The following ADK variants were observed in gnomAD, a reference collection of about 807,000 sequenced individuals.
ADK encodes N6,N6-dimethyladenosine kinase.
ADK carries 24 observed loss-of-function variants against 44.7 expected under a neutral mutation model. That is an observed-to-expected ratio of 0.54 (90% CI 0.39 to 0.76). The LOEUF is 0.76. ADK is among the 30% of genes least tolerant of loss of function. The probability of loss-of-function intolerance (pLI) is 0.00; values close to 1 mark genes in which losing one functional copy is unlikely to be tolerated. For synonymous variants in ADK, 128 were observed against 142.6 expected (o/e 0.90, Z 0.73); for missense variants, 321 against 425.1 (o/e 0.76, Z 2.15).
At position 74,635,621 on chromosome 10, in the gene ADK, C is replaced by G. The variant is rs534557810; in HGVS notation, c.878-34562C>G. ...CAAGGCTAGGCTCAGCCGAGTAGTT[C>G]TACTTGTCTTGACAGTGGTCACTTG... is the stretch of plus-strand genomic sequence containing the variant. On this transcript the variant is annotated intron_variant, in intron 9 of 10. Coordinates refer to ENST00000539909, the MANE Select transcript of ADK (RefSeq NM_006721.4). Among the ~76,000 whole-genome samples, 8 of 152,170 alleles carry G rather than the reference C, an allele frequency of 5.3e-5. No individual in the cohort carries two copies. The South Asian group carries it at 6.2e-4, about 12-fold the overall frequency.
At chr10:74,329,222 T>G (rs1841134121) in intron 4 of ADK, among the ~76,000 whole-genome samples, 1 of 152,048 alleles carries the variant, frequency 6.6e-6, no homozygotes, top group Admixed American at 6.6e-5. Context: ...GAATAATGTT[T>G]TTAGAGTATT....
At chr10:74,475,930 A>G (rs1465389099) in intron 6 of ADK, among the ~76,000 whole-genome samples, 2 of 152,156 alleles carry the variant, frequency 1.3e-5, no homozygotes, top group Non-Finnish European at 2.9e-5. Context: ...TTCTCTCAGC[A>G]GATAGAATTA....
At position 74,312,378 on chromosome 10, in the gene ADK, T is replaced by C. The variant is rs561452750; in HGVS notation, c.195-2289T>C. Among the ~76,000 whole-genome samples the C allele has an allele frequency of 3.3e-5, 5 of 151,844 alleles. No homozygotes were observed. In the South Asian group the frequency reaches 1.0e-3, roughly 32 times the overall value. On this transcript the variant is annotated intron_variant, in intron 3 of 10. Coordinates refer to ENST00000539909, the MANE Select transcript of ADK (RefSeq NM_006721.4). ...TAAGATACTGGGGTTTCTAAGTCAG[T>C]CCAGTGTGTTTTTTCTTAACCTGGG... is the stretch of plus-strand genomic sequence containing the variant.
intron 10 of ADK, among the ~76,000 whole-genome samples, chr10:74,694,147 ATTTTTTTTT>A (rs10669118): frequency 1.2e-4 from 10 of 82,304 alleles, no homozygotes; most frequent in Non-Finnish European, 2.1e-4. Context: ...TTTCAAACAC[ATTTTTTTTT>A]TTTTTTTTTT....
chr10:74,614,279 T>C (rs1452406623), intron 9 of ADK, among the ~76,000 whole-genome samples: 2 of 152,128 alleles, frequency 1.3e-5, no homozygotes, highest in Non-Finnish European at 2.9e-5. Flanking sequence ...TAAGCAGATA[T>C]AAGCCCTATT....
intron 7 of ADK, among the ~76,000 whole-genome samples, chr10:74,536,686 CCCTTGGTAACTG>C (rs1313858773): frequency 2.0e-5 from 3 of 151,798 alleles, no homozygotes; most frequent in Non-Finnish European, 4.4e-5. Context: ...TTCCTCCTCA[CCCTTGGTAACTG>C]TTTTACTGTC....
chr10:74,570,495 A>T (rs1315034229), intron 7 of ADK, among the ~76,000 whole-genome samples: 1 of 151,572 alleles, frequency 6.6e-6, no homozygotes, highest in African/African-American at 2.4e-5. Context: ...CTCCTTGAAG[A>T]GGTCCTTCAC....
chr10:74,267,443 T>C (rs145863731), intron 3 of ADK, among the ~76,000 whole-genome samples: 1 of 152,328 alleles, frequency 6.6e-6, no homozygotes, highest in East Asian at 1.9e-4. Context: ...GTATTGAAGA[T>C]GATTCCTTGA....
chr10:74,198,908 T>C (rs1335615524), intron 1 of ADK, among the ~76,000 whole-genome samples: 1 of 152,138 alleles, frequency 6.6e-6, no homozygotes, highest in African/African-American at 2.4e-5. Flanking sequence ...CTTATATATA[T>C]AACATACAAG....
intron 6 of ADK, among the ~76,000 whole-genome samples, chr10:74,461,189 T>G (rs773525125): frequency 2.0e-5 from 3 of 152,118 alleles, no homozygotes; most frequent in Admixed American, 6.5e-5. Flanking sequence ...CTAACTTGTC[T>G]TGGTTCAGCT....
At chr10:74,268,987 A>G (rs1846320999) in intron 3 of ADK, among the ~76,000 whole-genome samples, 1 of 152,240 alleles carries the variant, frequency 6.6e-6, no homozygotes, top group Non-Finnish European at 1.5e-5. Context: ...AGTTGGCAGC[A>G]AGGGAGAAAG....
intron 9 of ADK, among the ~76,000 whole-genome samples, chr10:74,652,272 G>C (rs1854303263): frequency 2.0e-5 from 3 of 151,176 alleles, no homozygotes. Context: ...TCGAACTCTT[G>C]ACCTCAGGTG....
intron 4 of ADK, among the ~76,000 whole-genome samples, chr10:74,321,020 A>G (rs1592043186): frequency 6.6e-6 from 1 of 152,162 alleles, no homozygotes; most frequent in Non-Finnish European, 1.5e-5. Flanking sequence ...TATGTGACTC[A>G]TTGAATTTTT....
chr10:74,355,516 A>T (rs977386468), intron 4 of ADK, among the ~76,000 whole-genome samples: 1 of 152,204 alleles, frequency 6.6e-6, no homozygotes, highest in African/African-American at 2.4e-5. Context: ...TGTTCCACAT[A>T]ACTTTTATCT....
chr10:74,160,170 C>T (rs1841850965), intron 1 of ADK, among the ~76,000 whole-genome samples: 1 of 152,170 alleles, frequency 6.6e-6, no homozygotes. Context: ...CTAGCTAAAA[C>T]AGGGACAGAG....
At chr10:74,179,206 C>T (rs1371564449) in intron 1 of ADK, among the ~76,000 whole-genome samples, 3 of 152,178 alleles carry the variant, frequency 2.0e-5, no homozygotes, top group African/African-American at 7.2e-5. Context: ...GGTCATCCTA[C>T]AGATACCAGC....
At chr10:74,386,183 T>A (rs1474762824) in intron 4 of ADK, among the ~76,000 whole-genome samples, 1 of 152,206 alleles carries the variant, frequency 6.6e-6, no homozygotes, top group Non-Finnish European at 1.5e-5. Context: ...GTCTGCTTGT[T>A]GCTGTTTCTC....
intron 3 of ADK, among the ~76,000 whole-genome samples, chr10:74,281,111 A>T (rs1564631393): frequency 6.6e-6 from 1 of 152,276 alleles, no homozygotes; most frequent in Non-Finnish European, 1.5e-5. Flanking sequence ...CTCAACTTGG[A>T]TAATATTCAT....
At chr10:74,656,522 G>T (rs1854494818) in intron 9 of ADK, among the ~76,000 whole-genome samples, 2 of 152,170 alleles carry the variant, frequency 1.3e-5, no homozygotes, top group South Asian at 4.1e-4. Context: ...TTTTGCTGGT[G>T]CTCCCTTCTT....
Sources: gnomAD v4.1 joint callset for allele counts (sites outside exome capture counted in the v4.1 genomes callset) on GRCh38, gnomAD v4.1.1 for gene constraint, MANE v1.5 for transcripts, NCBI Gene and HGNC (gene_info 2026-07-23, HGNC 2026-07-21) for gene names.